Variants in STXBP4 observed in about 807,000 individuals in gnomAD.
The protein encoded by STXBP4 is syntaxin-binding protein 4.
In STXBP4, 55 loss-of-function variants were observed where a neutral mutation model predicts 76.1. That is an observed-to-expected ratio of 0.72 (90% CI 0.58 to 0.91). The LOEUF (loss-of-function observed/expected upper bound fraction) is 0.91. Among genes scored for constraint, STXBP4 ranks in the 40% least tolerant of loss-of-function variants. The pLI is 0.00. For synonymous variants in STXBP4, 201 were observed against 220.2 expected (o/e 0.91, Z 0.77); for missense variants, 618 against 636.9 (o/e 0.97, Z 0.32).
At chr17:55,103,943 T>A (rs891152878) in intron 16 of STXBP4, among the ~76,000 whole-genome samples, 16 of 152,358 alleles carry the variant, frequency 1.1e-4, no homozygotes, top group Admixed American at 8.5e-4. Context: ...ATTATTGGTG[T>A]ATAGGAATGC....
intron 16 of STXBP4, among the ~76,000 whole-genome samples, chr17:55,137,799 T>C (rs1002874722): frequency 3.3e-5 from 5 of 152,106 alleles, no homozygotes; most frequent in Non-Finnish European, 5.9e-5. Context: ...TTTAGATAGG[T>C]ATTTACAAGT....
At chr17:54,990,782 G>A in intron 3 of STXBP4, 43 bp from the exon 4 acceptor site, 1 of 1,543,546 alleles carries the variant, frequency 6.5e-7, no homozygotes, top group Non-Finnish European at 8.7e-7. Context: ...AATAGGTGCA[G>A]ATCTCTAGAC....
chr17:55,056,183 G>A (rs574318786), intron 12 of STXBP4, among the ~76,000 whole-genome samples: 6 of 151,904 alleles, frequency 3.9e-5, no homozygotes, highest in African/African-American at 7.3e-5. Flanking sequence ...AACAGGTAAC[G>A]TTAATTTTAA....
At chr17:55,187,429 T>TAA in the STXBP4 span, among the ~76,000 whole-genome samples, 2 of 143,384 alleles carry the variant, frequency 1.4e-5, no homozygotes, top group African/African-American at 2.5e-5. Flanking sequence ...GCTTATGATT[T>TAA]AAAAAAAAAA....
rs1203036540 is a variant in STXBP4 at position 55,160,048 on chromosome 17, T to A, written c.*137T>A. 3 of 537,920 alleles carry A rather than the reference T, an allele frequency of 5.6e-6. No homozygotes were observed. In the East Asian group the frequency reaches 9.3e-5, roughly 17 times the overall value. The allele number at this position is 537,920 out of a possible 1,614,324, so 33.3% of individuals were successfully genotyped here. A position where few individuals can be genotyped will look rare whatever the true frequency, so the allele number is the denominator to read the frequency against. ...AGTGTGAAATGGAGACTCTGGACTT[T>A]GGGTATTTTTGTAAAACTTTTGATA... On this transcript the variant is annotated 3_prime_UTR_variant, in exon 18 of 18. Transcript: ENST00000376352.
At chr17:55,148,547 T>G (rs543730572) in intron 17 of STXBP4, among the ~76,000 whole-genome samples, 4 of 152,084 alleles carry the variant, frequency 2.6e-5, no homozygotes, top group African/African-American at 9.6e-5. Flanking sequence ...TTTTTTTTTT[T>G]CTTTTTTTTG....
rs769722780 is a variant in STXBP4, at chr17:55,141,336, T to C, written c.1516T>C (p.Tyr506His). ...DCLPYGWEEAYTADGIKYFIN... is the reference protein window; with the variant it reads ...DCLPYGWEEAHTADGIKYFIN... ...TTTACCTTATGGGTGGGAGGAAGCTTACACAGCAGATGGAATCAAGTACTT... is the reference window on the plus strand; with the variant it reads ...TTTACCTTATGGGTGGGAGGAAGCTCACACAGCAGATGGAATCAAGTACTT... Residue 506 changes from tyrosine to histidine, a missense_variant, in exon 17 of 18, where the codon TAC becomes CAC. By Grantham distance (83) the Tyr-to-His change is moderately conservative. Coordinates refer to ENST00000376352, the MANE Select transcript of STXBP4 (RefSeq NM_178509.6). 6.2e-7 allele frequency: 1 copy of C among 1,612,328 alleles called. No individual in the cohort carries two copies. Among genetic ancestry groups the C allele is most frequent in the Non-Finnish European group, 8.5e-7 (1 of 1,179,052 alleles).
At chr17:55,092,377 A>G (rs1032592423) in intron 16 of STXBP4, among the ~76,000 whole-genome samples, 21 of 152,058 alleles carry the variant, frequency 1.4e-4, no homozygotes, top group African/African-American at 4.8e-4. Context: ...CAGTAAAAAA[A>G]GTCCTAATTT....
At chr17:55,121,014 G>A (rs2145089848) in intron 16 of STXBP4, among the ~76,000 whole-genome samples, 1 of 152,204 alleles carries the variant, frequency 6.6e-6, no homozygotes, top group South Asian at 2.1e-4. Flanking sequence ...GTTTATACAT[G>A]CTGGTTTTTC....
chr17:55,179,567 A>T, the STXBP4 span, among the ~76,000 whole-genome samples: 10 of 152,182 alleles, frequency 6.6e-5, no homozygotes, highest in Non-Finnish European at 8.8e-5. Flanking sequence ...GTCCACATAT[A>T]CATGGATTTT....
chr17:55,202,568 G>T, the STXBP4 span, among the ~76,000 whole-genome samples: 2 of 151,976 alleles, frequency 1.3e-5, no homozygotes, highest in Non-Finnish European at 2.9e-5. Context: ...GGCAACACAG[G>T]TAGTAAGAGG....
At chr17:55,151,395 G>C (rs990054203) in intron 17 of STXBP4, among the ~76,000 whole-genome samples, 3 of 152,194 alleles carry the variant, frequency 2.0e-5, no homozygotes, top group Admixed American at 6.5e-5. Flanking sequence ...AAAGAATGTT[G>C]TAAAGTACAA....
chr17:55,090,200 A>G (rs1443048238), intron 16 of STXBP4, among the ~76,000 whole-genome samples: 1 of 152,008 alleles, frequency 6.6e-6, no homozygotes, highest in African/African-American at 2.4e-5. Flanking sequence ...AGTCAGTGGC[A>G]TTTGTTGAAA....
At chr17:54,969,588 C>T (rs1353855234) in intron 1 of STXBP4, among the ~76,000 whole-genome samples, 2 of 152,126 alleles carry the variant, frequency 1.3e-5, no homozygotes, top group Non-Finnish European at 1.5e-5. Context: ...CATATAACGT[C>T]TTTCATGATG....
In STXBP4 at chr17:55,152,578, C is replaced by T. The variant is rs149782233; in HGVS notation, c.1548-7219C>T. 3.7e-3 allele frequency among the ~76,000 whole-genome samples: 560 copies of T among 152,256 alleles called. 2 individuals are homozygous for T. Among genetic ancestry groups the T allele is most frequent in the African/African-American group, 0.013 (541 of 41,546 alleles). ...CAATCATGGCAGAAGGGGAAGCAGG[C>T]ACCTTCTTCACAAGGCAGCAGGAGT... On this transcript the variant is annotated intron_variant, in intron 17 of 17. Transcript: ENST00000376352.
chr17:55,130,209 G>C (rs886348924), intron 16 of STXBP4, among the ~76,000 whole-genome samples: 7 of 152,154 alleles, frequency 4.6e-5, no homozygotes, highest in Non-Finnish European at 5.9e-5. Context: ...ACTTACCCCA[G>C]CTGACACCTT....
At chr17:55,134,734 C>A (rs1361887520) in intron 16 of STXBP4, among the ~76,000 whole-genome samples, 1 of 152,130 alleles carries the variant, frequency 6.6e-6, no homozygotes, top group Admixed American at 6.6e-5. Flanking sequence ...CTCACACTCT[C>A]CTGAGGAAAG....
At chr17:55,005,760 G>A (rs970856243) in intron 7 of STXBP4, among the ~76,000 whole-genome samples, 14 of 152,068 alleles carry the variant, frequency 9.2e-5, no homozygotes, top group Admixed American at 3.9e-4. Flanking sequence ...CTTAATTGCA[G>A]ACCAAACACC....
chr17:54,977,118 G>A (rs1211647103), intron 1 of STXBP4, among the ~76,000 whole-genome samples: 1 of 152,088 alleles, frequency 6.6e-6, no homozygotes, highest in Non-Finnish European at 1.5e-5. Context: ...GTGAGCAACA[G>A]GACCTAAACC....
Sources: allele counts gnomAD v4.1 joint callset (sites outside exome capture counted in the v4.1 genomes callset), GRCh38; gene constraint gnomAD v4.1.1; transcripts MANE v1.5; gene names NCBI Gene and HGNC (gene_info 2026-07-23, HGNC 2026-07-21).